NEDD9: variants seen among roughly 807,000 people sequenced by gnomAD.
NEDD9 encodes the protein neural precursor cell expressed, developmentally down-regulated 9.
Under a neutral mutation model 76.6 loss-of-function variants are expected in NEDD9, and 26 were observed. The ratio of observed to expected loss-of-function variants is 0.34; its 90% CI spans 0.25 to 0.47. The LOEUF (loss-of-function observed/expected upper bound fraction) is 0.47. Among genes scored for constraint, NEDD9 ranks in the 20% least tolerant of loss-of-function variants. The pLI is 1.00. For synonymous variants in NEDD9, 392 were observed against 414.2 expected (o/e 0.95, Z 0.65); for missense variants, 937 against 1,058.5 (o/e 0.89, Z 1.59).
intron 2 of NEDD9, among the ~76,000 whole-genome samples, chr6:11,326,751 G>A (rs1761936925): frequency 6.6e-6 from 1 of 152,194 alleles, no homozygotes; most frequent in Non-Finnish European, 1.5e-5. Flanking sequence ...GGCTTGCCTG[G>A]GGCCCAGCTG....
chr6:11,308,525 A>G (rs558247055), intron 2 of NEDD9, among the ~76,000 whole-genome samples: 1 of 151,688 alleles, frequency 6.6e-6, no homozygotes, highest in South Asian at 2.1e-4. Flanking sequence ...GCCCGCCACT[A>G]CGCTGGGCTA....
In NEDD9 at chr6:11,183,835, G is replaced by A. The variant is rs1164110043; in HGVS notation, c.*1327C>T. Reference sequence around the variant, plus strand: ...TGGGCCAAAAGATCATAGATAATGTGCTTCTTCTCTTGGTAATATGTGAAT... The same window carrying A: ...TGGGCCAAAAGATCATAGATAATGTACTTCTTCTCTTGGTAATATGTGAAT... On this transcript the variant is annotated 3_prime_UTR_variant, in exon 7 of 7. Transcript: ENST00000379446. 6.6e-6 allele frequency: 1 copy of A among 152,204 alleles called. No homozygotes were observed. Among genetic ancestry groups the A allele is most frequent in the Non-Finnish European group, 1.5e-5 (1 of 68,044 alleles). 9.4% of individuals were successfully genotyped at this position (152,204 alleles called of 1,614,324 possible).
rs1414391595 is a variant in NEDD9 at position 11,256,117 on chromosome 6, C to T, written c.13-42390G>A. Among the ~76,000 whole-genome samples the T allele has an allele frequency of 2.6e-5, 4 of 152,194 alleles. No homozygotes were observed. The East Asian group carries it at 7.7e-4, about 29-fold the overall frequency. On this transcript the variant is annotated intron_variant, in intron 3 of 3. Coordinates refer to the NEDD9 transcript ENST00000397378. ...GCTGGTAGGGCATGGGGCATCATAA[C>T]TGAACAACAGCAACTCTCTGGAGCC...
At chr6:11,356,306 C>T (rs138373074) in intron 1 of NEDD9, among the ~76,000 whole-genome samples, 3,387 of 152,276 alleles carry the variant, frequency 0.022, 133 homozygotes, top group African/African-American at 0.077. Flanking sequence ...AAACTAAATA[C>T]TGCCTGCCAC....
intron 1 of NEDD9, among the ~76,000 whole-genome samples, chr6:11,351,866 A>G (rs141995600): frequency 2.0e-5 from 3 of 152,382 alleles, no homozygotes; most frequent in East Asian, 3.8e-4. Flanking sequence ...GGCCTCAGCC[A>G]TGAATCTAGC....
chr6:11,305,879 C>A (rs953206029), intron 3 of NEDD9: 2 of 1,273,460 alleles, frequency 1.6e-6, no homozygotes, highest in East Asian at 4.6e-5. Context: ...ATGTTAGTTG[C>A]AGGCCCGTAT....
chr6:11,291,874 T>C (rs957361806), intron 3 of NEDD9, among the ~76,000 whole-genome samples: 1 of 152,206 alleles, frequency 6.6e-6, no homozygotes, highest in Non-Finnish European at 1.5e-5. Context: ...ATTAGCAACA[T>C]AGATCTCCAA....
intron 2 of NEDD9, among the ~76,000 whole-genome samples, chr6:11,310,746 G>A (rs1761340657): frequency 6.6e-6 from 1 of 152,130 alleles, no homozygotes; most frequent in South Asian, 2.1e-4. Flanking sequence ...AATGTCTCTG[G>A]TTTTATTTGC....
intron 3 of NEDD9, among the ~76,000 whole-genome samples, chr6:11,304,800 C>T (rs994605834): frequency 6.6e-6 from 1 of 152,128 alleles, no homozygotes; most frequent in Non-Finnish European, 1.5e-5. Flanking sequence ...ACACCGGGGC[C>T]TGTCAGTGGG....
At chr6:11,305,315 G>T in intron 3 of NEDD9, 1 of 396,068 alleles carries the variant, frequency 2.5e-6, no homozygotes, top group East Asian at 7.6e-5. Context: ...GATTCAAAAG[G>T]GTCAGGTCAC....
intron 3 of NEDD9, among the ~76,000 whole-genome samples, chr6:11,266,026 A>C: frequency 6.8e-6 from 1 of 147,598 alleles, no homozygotes; most frequent in African/African-American, 2.5e-5. Context: ...GACAATGGAG[A>C]CTTGGAAGGG....
chr6:11,303,619 T>C (rs1224405083), intron 3 of NEDD9, among the ~76,000 whole-genome samples: 1 of 151,876 alleles, frequency 6.6e-6, no homozygotes, highest in Non-Finnish European at 1.5e-5. Flanking sequence ...GATATATAGA[T>C]CAATGGAACA....
upstream of NEDD9, chr6:11,233,306 A>C: frequency 1.9e-6 from 1 of 519,004 alleles, no homozygotes; most frequent in South Asian, 1.4e-5. Context: ...GGAACCCTCT[A>C]GCACACGCAC....
At chr6:11,347,245 G>C (rs1166895918) in intron 1 of NEDD9, among the ~76,000 whole-genome samples, 1 of 152,120 alleles carries the variant, frequency 6.6e-6, no homozygotes, top group Non-Finnish European at 1.5e-5. Flanking sequence ...ACTTCTCTCT[G>C]AGACTCAATT....
intron 1 of NEDD9, among the ~76,000 whole-genome samples, chr6:11,341,281 A>T (rs1054450808): frequency 1.3e-5 from 2 of 152,226 alleles, no homozygotes; most frequent in Non-Finnish European, 1.5e-5. Context: ...GGTGAGCCCC[A>T]CAGTAGTCCA....
At chr6:11,354,555 G>A (rs1430524907) in intron 1 of NEDD9, among the ~76,000 whole-genome samples, 1 of 152,050 alleles carries the variant, frequency 6.6e-6, no homozygotes, top group Non-Finnish European at 1.5e-5. Flanking sequence ...GCTGTTGCCC[G>A]TGCATCAGCC....
chr6:11,347,433 T>A (rs991599518), intron 1 of NEDD9, among the ~76,000 whole-genome samples: 8 of 152,138 alleles, frequency 5.3e-5, no homozygotes, highest in Non-Finnish European at 1.2e-4. Flanking sequence ...GAAGCCTGCA[T>A]CATCCTGATA....
At chr6:11,259,640 A>AAAAC (rs1310227534) in intron 3 of NEDD9, among the ~76,000 whole-genome samples, 1 of 152,212 alleles carries the variant, frequency 6.6e-6, no homozygotes, top group Non-Finnish European at 1.5e-5. Context: ...CCACCTTACA[A>AAAAC]AAACAAATAA....
rs1347215603 is a variant in NEDD9 at position 11,185,613 on chromosome 6, G to A, written c.2054C>T (p.Ser685Leu). ...EITKPVENDI[S>L]KWKPSQSLPT... ...TAGGCTCTGAGAGGGCTTCCACTTCGAGATGTCATTCTCCACGGGCTTTGT... is the reference window on the plus strand; with the variant it reads ...TAGGCTCTGAGAGGGCTTCCACTTCAAGATGTCATTCTCCACGGGCTTTGT... The change falls in exon 7 of 7, where the codon TCG becomes TTG. Residue 685 changes from serine (S) to leucine (L), a missense_variant. Transcript: ENST00000379446. The A allele has an allele frequency of 3.7e-6, 6 of 1,614,188 alleles. No individual in the cohort carries two copies. The highest frequency in any genetic ancestry group is 2.2e-5 in the East Asian group (1 of 44,886).
Sources: gnomAD v4.1 joint callset for allele counts (sites outside exome capture counted in the v4.1 genomes callset) on GRCh38, gnomAD v4.1.1 for gene constraint, MANE v1.5 for transcripts, NCBI Gene and HGNC (gene_info 2026-07-23, HGNC 2026-07-21) for gene names.